Variants in MYO3A observed in about 807,000 individuals in gnomAD.
MYO3A encodes myosin IIIA.
In MYO3A, 180 loss-of-function variants were observed where a neutral mutation model predicts 192.7. That is an observed-to-expected ratio of 0.93 (90% CI 0.83 to 1.06). MYO3A has a LOEUF of 1.06. Among genes scored for constraint, MYO3A ranks in the 50% least tolerant of loss-of-function variants. The pLI is 0.00. For synonymous variants in MYO3A, 628 were observed against 645.3 expected, an observed-to-expected ratio of 0.97 and a Z score of 0.41; for missense variants, 1,896 against 1,905.0, an observed-to-expected ratio of 1.00 and a Z score of 0.09.
chr10:26,206,603 C>A (rs879308136), intron 34 of MYO3A, among the ~76,000 whole-genome samples: 1 of 151,570 alleles, frequency 6.6e-6, no homozygotes, highest in African/African-American at 2.4e-5. Context: ...TGCCTGCCAC[C>A]ATACCCATCT....
At chr10:26,185,329 C>CTTTT (rs61581382) in intron 31 of MYO3A, among the ~76,000 whole-genome samples, 5 of 63,856 alleles carry the variant, frequency 7.8e-5, no homozygotes, top group South Asian at 6.7e-4. Context: ...TTCCAGGATT[C>CTTTT]TTTTTTTTTT....
At chr10:26,162,197 A>G (rs1216450382) in intron 26 of MYO3A, among the ~76,000 whole-genome samples, 1 of 152,234 alleles carries the variant, frequency 6.6e-6, no homozygotes, top group Non-Finnish European at 1.5e-5. Context: ...TTTCAAATTA[A>G]TGAAAGAAGA....
intron 10 of MYO3A, among the ~76,000 whole-genome samples, chr10:26,043,149 G>GTCTCTCTCTCTCTCTCTCTCTCTCTC (rs59621862): frequency 7.0e-6 from 1 of 143,274 alleles, no homozygotes; most frequent in Admixed American, 7.0e-5. Flanking sequence ...GCCAAACAGA[G>GTCTCTCTCTCTCTCTCTCTCTCTCTC]TCTCTCTCTC....
chr10:26,087,499 A>C (rs919829452), intron 14 of MYO3A, among the ~76,000 whole-genome samples: 3 of 152,224 alleles, frequency 2.0e-5, no homozygotes, highest in Non-Finnish European at 2.9e-5. Flanking sequence ...GTGAATAACT[A>C]ATACCTCCCT....
intron 2 of MYO3A, among the ~76,000 whole-genome samples, chr10:25,944,745 A>G (rs1836729182): frequency 1.3e-5 from 2 of 152,172 alleles, no homozygotes; most frequent in Admixed American, 1.3e-4. Flanking sequence ...GTAATTGGTA[A>G]TAATTTTCCC....
At chr10:26,057,312 T>G (rs1053834545) in intron 10 of MYO3A, among the ~76,000 whole-genome samples, 3 of 152,134 alleles carry the variant, frequency 2.0e-5, no homozygotes, top group African/African-American at 7.2e-5. Flanking sequence ...GAAAGGAAGC[T>G]TCTGATAGGA....
At chr10:26,073,631 AAAT>A (rs1201512627) in intron 14 of MYO3A, among the ~76,000 whole-genome samples, 3 of 133,424 alleles carry the variant, frequency 2.2e-5, no homozygotes, top group African/African-American at 5.3e-5. Flanking sequence ...ACTCCGTGTC[AAAT>A]AATAATAATA....
chr10:26,047,095 T>G (rs535188145), intron 10 of MYO3A, among the ~76,000 whole-genome samples: 3 of 152,222 alleles, frequency 2.0e-5, no homozygotes, highest in African/African-American at 7.2e-5. Context: ...AATTGTTTAC[T>G]TGTTTCAAAA....
rs539761151 is a variant in MYO3A, at chr10:26,178,866, A to G, written c.4438+2021A>G. Reference sequence around the variant, plus strand: ...ACCCAGGCTGTAGTGCAGTGGCGCGATCTCGACTCACTGCAAGCTCCGCCT... The same window carrying G: ...ACCCAGGCTGTAGTGCAGTGGCGCGGTCTCGACTCACTGCAAGCTCCGCCT... On this transcript the variant is annotated intron_variant, in intron 31 of 34. Transcript: ENST00000642920. Among the ~76,000 whole-genome samples, 8 of 151,784 alleles carry G rather than the reference A, an allele frequency of 5.3e-5. No individual in the cohort carries two copies. In the South Asian group the frequency reaches 1.5e-3, roughly 28 times the overall value.
intron 14 of MYO3A, among the ~76,000 whole-genome samples, chr10:26,072,874 C>T (rs12254587): frequency 0.022 from 3,381 of 151,978 alleles, 157 homozygotes; most frequent in African/African-American, 0.077. Flanking sequence ...CTTATTCACA[C>T]GAAATGAAAA....
At chr10:26,087,922 G>A (rs973912933) in intron 14 of MYO3A, among the ~76,000 whole-genome samples, 16 of 152,228 alleles carry the variant, frequency 1.1e-4, no homozygotes, top group African/African-American at 2.7e-4. Flanking sequence ...TTCAATGTGC[G>A]TAGGCTGCTT....
chr10:26,137,861 C>T (rs1454426255), intron 20 of MYO3A, among the ~76,000 whole-genome samples: 1 of 152,106 alleles, frequency 6.6e-6, no homozygotes, highest in African/African-American at 2.4e-5. Context: ...GGGAAAAACC[C>T]CACCCTGGTA....
At chr10:26,014,240 T>C (rs576317083) in intron 6 of MYO3A, among the ~76,000 whole-genome samples, 5 of 152,200 alleles carry the variant, frequency 3.3e-5, no homozygotes, top group South Asian at 2.1e-4. Context: ...TTCATTCATG[T>C]AACAAATAAA....
At chr10:26,094,795 G>GCATTCCA (rs1836914074) in intron 15 of MYO3A, among the ~76,000 whole-genome samples, 1 of 152,188 alleles carries the variant, frequency 6.6e-6, no homozygotes. Flanking sequence ...ATAATATACA[G>GCATTCCA]GGGGAGAAGA....
intron 32 of MYO3A, among the ~76,000 whole-genome samples, chr10:26,196,395 A>G (rs1197178890): frequency 6.6e-6 from 1 of 152,246 alleles, no homozygotes; most frequent in East Asian, 1.9e-4. Context: ...AATGAGTTCC[A>G]TCCCCAAGAA....
At chr10:26,002,443 C>T (rs781684056) in intron 6 of MYO3A, among the ~76,000 whole-genome samples, 1 of 152,180 alleles carries the variant, frequency 6.6e-6, no homozygotes, top group Non-Finnish European at 1.5e-5. Context: ...GCACGTGGCC[C>T]CTGCTGCTGT....
intron 15 of MYO3A, among the ~76,000 whole-genome samples, chr10:26,096,171 C>T (rs79763359): frequency 0.018 from 2,799 of 152,180 alleles, 38 homozygotes; most frequent in Non-Finnish European, 0.024. Flanking sequence ...CTGAATGATT[C>T]CTATGAAGTG....
In MYO3A at chr10:26,031,092, A is replaced by T. The variant is rs537432574; in HGVS notation, c.953+4560A>T. Among the ~76,000 whole-genome samples the T allele has an allele frequency of 2.0e-4, 30 of 152,356 alleles. No homozygotes were observed. The East Asian group carries it at 5.0e-3, about 25-fold the overall frequency. On this transcript the variant is annotated intron_variant, in intron 10 of 34. Coordinates refer to ENST00000642920, the MANE Select transcript of MYO3A (RefSeq NM_017433.5). ...TCTTATGAATCCAGTATTTTTAAACAGTTGACTATCTGATTTAATGGGAAT... is the reference window on the plus strand; with the variant it reads ...TCTTATGAATCCAGTATTTTTAAACTGTTGACTATCTGATTTAATGGGAAT...
chr10:26,068,956 A>G, intron 12 of MYO3A, 72 bp downstream of exon 12: 1 of 1,051,494 alleles, frequency 9.5e-7, no homozygotes, highest in South Asian at 1.3e-5. Flanking sequence ...ATTAATTTAA[A>G]TGAATGCCAG....
Sources: allele counts gnomAD v4.1 joint callset (sites outside exome capture counted in the v4.1 genomes callset), GRCh38; gene constraint gnomAD v4.1.1; transcripts MANE v1.5; gene names NCBI Gene and HGNC (gene_info 2026-07-23, HGNC 2026-07-21).